Variants in TRAPPC9 observed in about 807,000 individuals in gnomAD.
TRAPPC9 encodes trafficking protein particle complex subunit 9.
A neutral mutation model predicts 124.0 loss-of-function variants in TRAPPC9; 83 were observed. The ratio of observed to expected loss-of-function variants is 0.67; its 90% confidence interval spans 0.56 to 0.80. TRAPPC9 has a LOEUF of 0.80. TRAPPC9 is among the 30% of genes least tolerant of loss of function. The pLI is 0.00. For missense variants in TRAPPC9, 1,302 were observed against 1,508.3 expected (o/e 0.86, Z 2.27); for synonymous variants, 638 against 617.5 (o/e 1.03, Z -0.49).
intron 21 of TRAPPC9, among the ~76,000 whole-genome samples, chr8:139,857,715 C>A (rs1827888174): frequency 6.6e-6 from 1 of 152,252 alleles, no homozygotes; most frequent in African/African-American, 2.4e-5. Flanking sequence ...TGTAAAGCAA[C>A]TTGCTCACCA....
At chr8:139,841,425 C>T (rs950930762) in intron 21 of TRAPPC9, among the ~76,000 whole-genome samples, 5 of 152,050 alleles carry the variant, frequency 3.3e-5, no homozygotes, top group African/African-American at 9.7e-5. Context: ...TGGGGGCCGG[C>T]GGGCCTCACT....
chr8:140,445,848 A>T (rs2132671194), intron 2 of TRAPPC9, among the ~76,000 whole-genome samples: 1 of 152,350 alleles, frequency 6.6e-6, no homozygotes, highest in East Asian at 1.9e-4. Flanking sequence ...GCAGCAGGTC[A>T]CAGAGCGAGA....
intron 19 of TRAPPC9, among the ~76,000 whole-genome samples, chr8:139,912,192 T>C (rs144993946): frequency 6.6e-6 from 1 of 152,384 alleles, no homozygotes; most frequent in Non-Finnish European, 1.5e-5. Flanking sequence ...TAAGTATTTG[T>C]ATTTAACATA....
chr8:140,399,920 T>C (rs1199581066), intron 6 of TRAPPC9, among the ~76,000 whole-genome samples: 3 of 152,190 alleles, frequency 2.0e-5, no homozygotes, highest in African/African-American at 7.2e-5. Context: ...AGGGATCCAG[T>C]GGGAGATAAT....
chr8:140,244,298 AC>A (rs1235859970), intron 16 of TRAPPC9, among the ~76,000 whole-genome samples: 4 of 152,312 alleles, frequency 2.6e-5, no homozygotes, highest in African/African-American at 7.2e-5. Context: ...TGTTCTGTCA[AC>A]CAAATTGATT....
intron 18 of TRAPPC9, among the ~76,000 whole-genome samples, chr8:139,997,443 C>T (rs984687572): frequency 2.0e-5 from 3 of 149,944 alleles, no homozygotes; most frequent in African/African-American, 7.4e-5. Flanking sequence ...AACAATGCAT[C>T]CCACACAGAG....
chr8:139,879,394 G>A lies in TRAPPC9; in HGVS notation c.3055+6485C>T, dbSNP rs113507072. The stretch of plus-strand genomic sequence containing the variant: ...GTGGGCCTGAAGGCAGGTGCAGGAC[G>A]TGGTCATAGTGAGGGGCAGACAAAA... On this transcript the variant is annotated intron_variant, in intron 21 of 22. Transcript: ENST00000438773. Among the ~76,000 whole-genome samples the A allele has an allele frequency of 2.6e-3, 395 of 152,324 alleles. 4 individuals carry two copies. The highest frequency in any genetic ancestry group is 9.0e-3 in the African/African-American group (375 of 41,578).
At chr8:140,405,499 G>A in intron 6 of TRAPPC9, 78 bp downstream of exon 6, 1 of 1,460,544 alleles carries the variant, frequency 6.8e-7, no homozygotes, top group Admixed American at 1.7e-5. Context: ...AGACACTGCA[G>A]CATTACACAA....
At chr8:140,305,246 T>C (rs771008331) in intron 10 of TRAPPC9, among the ~76,000 whole-genome samples, 6 of 152,210 alleles carry the variant, frequency 3.9e-5, no homozygotes, top group Non-Finnish European at 7.3e-5. Context: ...GAACTTGTTG[T>C]TAGTTTTCTA....
chr8:140,404,764 G>A (rs975611262), intron 6 of TRAPPC9, among the ~76,000 whole-genome samples: 1 of 150,058 alleles, frequency 6.7e-6, no homozygotes, highest in Non-Finnish European at 1.5e-5. Context: ...GTACGTGCAT[G>A]TGTGTGCGTG....
intron 17 of TRAPPC9, among the ~76,000 whole-genome samples, chr8:140,039,212 G>A (rs995847597): frequency 7.2e-5 from 11 of 152,228 alleles, no homozygotes; most frequent in African/African-American, 2.7e-4. Flanking sequence ...TAGGCATGGG[G>A]CCACGTGCCC....
chr8:139,914,555 C>A (rs961962445), intron 19 of TRAPPC9, among the ~76,000 whole-genome samples: 4 of 152,226 alleles, frequency 2.6e-5, no homozygotes, highest in African/African-American at 9.6e-5. Flanking sequence ...GACTTTGGGG[C>A]GAGGCCTGAC....
chr8:139,925,799 C>T (rs1453661522), intron 19 of TRAPPC9, among the ~76,000 whole-genome samples: 37 of 121,190 alleles, frequency 3.1e-4, no homozygotes, highest in Admixed American at 2.5e-3. Context: ...GGTTTGACTA[C>T]CCAGCACACG....
In TRAPPC9 at chr8:139,774,162, G is replaced by A. The variant is rs181457885; in HGVS notation, c.3056-41960C>T. On this transcript the variant is annotated intron_variant, in intron 21 of 22. Transcript: ENST00000438773. ...GGAGGAGGCCCCACGAAGCTCCCAC[G>A]CCTGCCCTGAGTGAGACAGAAGTCG... is the stretch of plus-strand genomic sequence containing the variant. Among the ~76,000 whole-genome samples the A allele has an allele frequency of 4.6e-5, 7 of 152,350 alleles. No individual in the cohort carries two copies. The East Asian group carries it at 1.2e-3, about 25-fold the overall frequency.
At chr8:139,847,533 C>T (rs1418982196) in intron 21 of TRAPPC9, among the ~76,000 whole-genome samples, 2 of 151,286 alleles carry the variant, frequency 1.3e-5, no homozygotes, top group East Asian at 2.0e-4. Flanking sequence ...CCTGGAGGCC[C>T]GGCCTGGGGA....
At chr8:139,997,052 A>G (rs1020015656) in intron 18 of TRAPPC9, among the ~76,000 whole-genome samples, 2 of 151,656 alleles carry the variant, frequency 1.3e-5, no homozygotes, top group African/African-American at 4.8e-5. Context: ...TGACCCAAAA[A>G]CTATTTTTTT....
chr8:139,887,913 C>T (rs1280195170), intron 20 of TRAPPC9, among the ~76,000 whole-genome samples: 1 of 152,172 alleles, frequency 6.6e-6, no homozygotes, highest in Non-Finnish European at 1.5e-5. Flanking sequence ...GTGCAGAGGC[C>T]ACGCCTCATT....
At chr8:139,954,843 T>C (rs1165706618) in intron 19 of TRAPPC9, among the ~76,000 whole-genome samples, 1 of 151,846 alleles carries the variant, frequency 6.6e-6, no homozygotes, top group Non-Finnish European at 1.5e-5. Context: ...CACTCCATTG[T>C]ATACACAGGC....
chr8:140,296,949 G>A (rs1302048437), intron 11 of TRAPPC9, among the ~76,000 whole-genome samples: 2 of 152,238 alleles, frequency 1.3e-5, no homozygotes, highest in African/African-American at 4.8e-5. Flanking sequence ...TCGTAGGACA[G>A]CAAGTCCGGG....
Sources: allele counts gnomAD v4.1 joint callset (sites outside exome capture counted in the v4.1 genomes callset), GRCh38; gene constraint gnomAD v4.1.1; transcripts MANE v1.5; gene names NCBI Gene and HGNC (gene_info 2026-07-23, HGNC 2026-07-21).